Variants in NRXN1 observed in about 807,000 individuals in gnomAD.
The protein encoded by NRXN1 is neurexin 1, also known as neurexin-1.
NRXN1 carries 39 observed loss-of-function variants against 150.9 expected under a neutral mutation model. That is an observed-to-expected ratio of 0.26 (90% confidence interval 0.20 to 0.34). NRXN1 has a LOEUF of 0.34. Ranked by LOEUF, NRXN1 falls within the 10% of genes least tolerant of loss-of-function variation. The pLI, the probability that NRXN1 is intolerant of heterozygous loss-of-function variation, is 1.00. For synonymous variants in NRXN1, 924 were observed against 757.0 expected (o/e 1.22, Z -3.62); for missense variants, 1,815 against 1,949.9 (o/e 0.93, Z 1.30).
chr2:50,073,233 C>T (rs1423801124), intron 19 of NRXN1, among the ~76,000 whole-genome samples: 1 of 152,164 alleles, frequency 6.6e-6, no homozygotes, highest in African/African-American at 2.4e-5. Context: ...GCACTTTAGC[C>T]AGAAAAATTA....
intron 21 of NRXN1, chr2:49,970,197 A>G (rs898974891): frequency 2.0e-5 from 3 of 152,136 alleles, no homozygotes; most frequent in Admixed American, 6.6e-5. Flanking sequence ...TCCCAAGAAG[A>G]TGAATTGTGG....
Position 50,876,453 on chromosome 2 carries a change from A to G in NRXN1, c.832+45416T>C, listed in dbSNP as rs564665355. ...AACAAATTCTTTTTTAATATTTACT[A>G]TATATTTCCCACTGTACTACACACT... On this transcript the variant is annotated intron_variant, in intron 5 of 22. Transcript: ENST00000401669. Among the ~76,000 whole-genome samples the G allele has an allele frequency of 1.2e-4, 18 of 151,938 alleles. No homozygotes were observed. In the South Asian group the frequency reaches 3.1e-3, roughly 26 times the overall value.
At chr2:50,092,378 G>T (rs1699701295) in intron 18 of NRXN1, among the ~76,000 whole-genome samples, 1 of 152,192 alleles carries the variant, frequency 6.6e-6, no homozygotes, top group Non-Finnish European at 1.5e-5. Flanking sequence ...CATGAAATCA[G>T]TTGATTTCTA....
intron 2 of NRXN1, among the ~76,000 whole-genome samples, chr2:51,024,664 G>C (rs1265534288): frequency 5.3e-5 from 8 of 152,088 alleles, no homozygotes; most frequent in Admixed American, 5.2e-4. Flanking sequence ...CTTGGCTGGA[G>C]GTTGGGGGAG....
At chr2:50,356,267 A>T (rs2078808397) in intron 17 of NRXN1, among the ~76,000 whole-genome samples, 1 of 152,204 alleles carries the variant, frequency 6.6e-6, no homozygotes, top group Non-Finnish European at 1.5e-5. Context: ...GGATGAGGGA[A>T]GACTAGCTAT....
chr2:50,188,292 A>C (rs2061218491), intron 18 of NRXN1, among the ~76,000 whole-genome samples: 1 of 152,150 alleles, frequency 6.6e-6, no homozygotes, highest in African/African-American at 2.4e-5. Context: ...CTATTTAGTA[A>C]ATGGTGTTGG....
intron 5 of NRXN1, among the ~76,000 whole-genome samples, chr2:50,761,717 T>C (rs1015882058): frequency 6.6e-5 from 10 of 151,766 alleles, no homozygotes; most frequent in African/African-American, 2.4e-4. Context: ...TTTGAGTCAG[T>C]GGACTGGGAA....
intron 12 of NRXN1, among the ~76,000 whole-genome samples, chr2:50,514,976 G>C (rs997980968): frequency 6.6e-6 from 1 of 152,026 alleles, no homozygotes; most frequent in South Asian, 2.1e-4. Flanking sequence ...AAGGCTTTAA[G>C]CCCGGGCTCC....
At chr2:50,687,684 T>C (rs992706590) in intron 5 of NRXN1, among the ~76,000 whole-genome samples, 1 of 152,220 alleles carries the variant, frequency 6.6e-6, no homozygotes, top group East Asian at 1.9e-4. Context: ...CTATTTTGAA[T>C]ATGCAGAGGC....
intron 5 of NRXN1, among the ~76,000 whole-genome samples, chr2:50,727,385 C>G (rs1390533458): frequency 1.3e-5 from 2 of 152,040 alleles, no homozygotes; most frequent in Non-Finnish European, 1.5e-5. Flanking sequence ...ATAAATGCTT[C>G]AATTATGAAA....
chr2:50,190,612 T>C (rs868000364), intron 18 of NRXN1, among the ~76,000 whole-genome samples: 20 of 127,820 alleles, frequency 1.6e-4, no homozygotes, highest in African/African-American at 2.2e-4. Flanking sequence ...ACTTTTTTTT[T>C]CTTTTTTTTT....
chr2:50,542,460 A>C (rs1232744110), intron 9 of NRXN1, among the ~76,000 whole-genome samples: 1 of 152,238 alleles, frequency 6.6e-6, no homozygotes, highest in Non-Finnish European at 1.5e-5. Flanking sequence ...ATCAGATATC[A>C]GTCATTGGAA....
chr2:51,004,376 T>C (rs2105122279), intron 2 of NRXN1, among the ~76,000 whole-genome samples: 1 of 152,158 alleles, frequency 6.6e-6, no homozygotes, highest in South Asian at 2.1e-4. Flanking sequence ...CATTCCCTTA[T>C]TTCTCCCTTT....
At chr2:50,986,444 C>T (rs1264099409) in intron 2 of NRXN1, among the ~76,000 whole-genome samples, 1 of 151,454 alleles carries the variant, frequency 6.6e-6, no homozygotes, top group Non-Finnish European at 1.5e-5. Context: ...AAATATTTAC[C>T]AACAAGGAAT....
At chr2:50,958,894 A>T (rs1692701269) in intron 2 of NRXN1, among the ~76,000 whole-genome samples, 1 of 152,134 alleles carries the variant, frequency 6.6e-6, no homozygotes, top group Admixed American at 6.6e-5. Context: ...GTTTGCCATT[A>T]CAACGATTTG....
At chr2:50,799,544 A>C (rs908486960) in intron 5 of NRXN1, among the ~76,000 whole-genome samples, 37 of 152,184 alleles carry the variant, frequency 2.4e-4, no homozygotes, top group African/African-American at 8.7e-4. Context: ...TATGATGGTA[A>C]GAAAGTGATA....
intron 17 of NRXN1, among the ~76,000 whole-genome samples, chr2:50,436,099 G>T (rs1250837079): frequency 6.6e-6 from 1 of 152,064 alleles, no homozygotes; most frequent in Admixed American, 6.6e-5. Flanking sequence ...AAGAAGTCTA[G>T]ATTACAATTT....
At chr2:50,604,451 A>G (rs1356773961) in intron 8 of NRXN1, among the ~76,000 whole-genome samples, 1 of 152,138 alleles carries the variant, frequency 6.6e-6, no homozygotes, top group Non-Finnish European at 1.5e-5. Context: ...CCATTTCAAC[A>G]TCATTTATCC....
intron 17 of NRXN1, among the ~76,000 whole-genome samples, chr2:50,420,067 A>G (rs2083856927): frequency 6.6e-6 from 1 of 152,078 alleles, no homozygotes; most frequent in Admixed American, 6.6e-5. Context: ...GAGACTAAAC[A>G]TAGCACTGAG....
Sources: gnomAD v4.1 joint callset for allele counts (sites outside exome capture counted in the v4.1 genomes callset) on GRCh38, gnomAD v4.1.1 for gene constraint, MANE v1.5 for transcripts, NCBI Gene and HGNC (gene_info 2026-07-23, HGNC 2026-07-21) for gene names.